CARNS1: variants seen among roughly 807,000 people sequenced by gnomAD.
CARNS1 encodes the protein carnosine synthase 1, also known as ATP-grasp domain containing 1.
Under a neutral mutation model 74.0 loss-of-function variants are expected in CARNS1, and 61 were observed. That is an observed-to-expected ratio of 0.82 (90% CI 0.67 to 1.02). The LOEUF (loss-of-function observed/expected upper bound fraction) is 1.02, where lower values mean the gene tolerates loss of function less well. CARNS1 is among the 50% of genes least tolerant of loss of function. The pLI is 0.00. For missense variants in CARNS1, 1,278 were observed against 1,308.4 expected (o/e 0.98, Z 0.36); for synonymous variants, 568 against 605.5 (o/e 0.94, Z 0.91).
rs1863807379 is a variant in CARNS1 at position 67,425,399 on chromosome 11, A to C, written c.*798A>C. On this transcript the variant is annotated 3_prime_UTR_variant, in exon 10 of 10. Coordinates refer to ENST00000687366, the MANE Select transcript of CARNS1 (RefSeq NM_001166222.2). ...TCACAAGTGGCCCTGAGACACGTGA[A>C]CACCTCCCTCCTATGCATCACAAAC... 7.3e-6 allele frequency: 2 copies of C among 274,336 alleles called. No individual in the cohort carries two copies. The highest frequency in any genetic ancestry group is 1.5e-5 in the Non-Finnish European group (2 of 136,320). 17.0% of individuals were successfully genotyped at this position (274,336 alleles called of 1,614,324 possible).
chr11:67,418,691 C>G (rs971386444), intron 4 of CARNS1, 65 bp from the exon 5 acceptor site: 2 of 1,484,216 alleles, frequency 1.3e-6, no homozygotes, highest in Non-Finnish European at 1.8e-6. Flanking sequence ...CACTCCGCTA[C>G]CCGGGGGCCC....
chr11:67,422,725 G>A (rs970189985), intron 9 of CARNS1, among the ~76,000 whole-genome samples: 5 of 152,096 alleles, frequency 3.3e-5, no homozygotes, highest in African/African-American at 4.8e-5. Flanking sequence ...CTCTCCCACC[G>A]TGCAGCACCC....
At chr11:67,416,319 T>C in intron 2 of CARNS1, 117 bp downstream of exon 2, 1 of 1,511,108 alleles carries the variant, frequency 6.6e-7, no homozygotes, top group East Asian at 2.5e-5. Flanking sequence ...TGCAGACAGC[T>C]TAGACCCACG....
intron 5 of CARNS1, 79 bp from the exon 6 acceptor site, chr11:67,419,408 C>A: frequency 6.5e-7 from 1 of 1,549,816 alleles, no homozygotes; most frequent in Non-Finnish European, 8.7e-7. Flanking sequence ...GTTTACTCAC[C>A]GGCTCCTGTG....
chr11:67,416,365 TG>T, intron 2 of CARNS1, 163 bp downstream of exon 2: 1 of 1,456,838 alleles, frequency 6.9e-7, no homozygotes, highest in Non-Finnish European at 9.1e-7. Flanking sequence ...GGCTGCATCC[TG>T]GGAGGTGGGC....
chr11:67,417,659 G>A lies in CARNS1; in HGVS notation c.256G>A (p.Gly86Ser), dbSNP rs528055975. The change falls in exon 3 of 10, where the codon GGC (glycine) becomes AGC (serine). Residue 86 changes from glycine to serine, a missense_variant. Coordinates refer to ENST00000687366, the MANE Select transcript of CARNS1 (RefSeq NM_001166222.2). ...TGGCCTTCCGGAGACTCAGGACCGC[G>A]GCCAGGTGCCCCGCACAGGTGCCCA... is the stretch of plus-strand genomic sequence containing the variant. ...QAGLPETQDR[G>S]QVPRTGCPGA... is the part of the protein sequence containing the mutation. 1,178 of 1,266,502 alleles carry A rather than the reference G, an allele frequency of 9.3e-4. 1 individual carries two copies. Among genetic ancestry groups the A allele is most frequent in the Non-Finnish European group, 1.1e-3 (1,112 of 1,004,262 alleles). 78.5% of individuals were successfully genotyped at this position (1,266,502 alleles called of 1,614,324 possible).
Position 67,423,624 on chromosome 11 carries a change from C to T in CARNS1, c.1876C>T (p.Gln626Ter). Reference sequence around the variant, plus strand: ...CCCAGCTGCCATGCGCCTGGCTAAGCAGAAGAGCCTCACCCAGCTGCACCT... The same window carrying T: ...CCCAGCTGCCATGCGCCTGGCTAAGTAGAAGAGCCTCACCCAGCTGCACCT... The part of the protein sequence containing the change: ...SSPAAMRLAK[Q>*]KSLTQLHLLH... The change falls in exon 10 of 10, where the codon CAG (glutamine) becomes TAG (stop). Residue 626 changes from glutamine to a stop codon, truncating the protein, a stop_gained. Transcript: ENST00000687366. LOFTEE classifies it high-confidence loss of function. The surrounding 1 kb of genome is among the most constrained non-coding windows in gnomAD (Gnocchi z 5.1). 1 of 1,609,528 alleles carries T rather than the reference C, an allele frequency of 6.2e-7. No homozygotes were observed. The highest frequency in any genetic ancestry group is 1.1e-5 in the South Asian group (1 of 90,472).
At position 67,418,861 on chromosome 11, in the gene CARNS1, C is replaced by T. The variant is rs1863613612; in HGVS notation, c.470C>T (p.Pro157Leu). The T allele has an allele frequency of 1.2e-6, 2 of 1,600,532 alleles. No individual in the cohort carries two copies. Among genetic ancestry groups the T allele is most frequent in the African/African-American group, 1.3e-5 (1 of 74,620 alleles). Residue 157 changes from proline (P) to leucine (L), a missense_variant, in exon 5 of 10, where the codon CCT becomes CTT. By Grantham distance (98) the Pro-to-Leu change is moderately conservative. This residue lies in a region of CARNS1 where 1,164 missense variants were observed against 1,156.5 expected (regional missense o/e 1.01). Coordinates refer to ENST00000687366, the MANE Select transcript of CARNS1 (RefSeq NM_001166222.2). ...LLVSKAVSFH[P>L]GGLTFLDDFV... ...GTCTCCAAGGCTGTGAGCTTCCACC[C>T]TGGGGGCCTGACATTCCTGGATGAC... is the stretch of plus-strand genomic sequence containing the variant.
intron 3 of CARNS1, 114 bp downstream of exon 3, chr11:67,417,791 T>C: frequency 1.3e-6 from 1 of 765,302 alleles, no homozygotes; most frequent in Non-Finnish European, 1.8e-6. Context: ...TCTGGTTCCA[T>C]CTGAAGGCAG....
rs1863573299 is a variant in CARNS1 at position 67,417,485 on chromosome 11, G to A, written c.82G>A (p.Gly28Arg). 4.8e-6 allele frequency: 7 copies of A among 1,449,732 alleles called. No individual in the cohort carries two copies. Among genetic ancestry groups the A allele is most frequent in the Non-Finnish European group, 6.3e-6 (7 of 1,103,898 alleles). The allele number at this position is 1,449,732 out of a possible 1,614,324, so 89.8% of individuals were successfully genotyped here. Residue 28 changes from glycine to arginine, a missense_variant, in exon 3 of 10, where the codon GGG (glycine) becomes AGG (arginine). Around this residue, in one of 3 missense-constraint regions of CARNS1, gnomAD observed 104 missense variants for 127.3 expected, o/e 0.82. Transcript: ENST00000687366. Reference protein sequence around the residue: ...KDLEEEGPWGGGSGLPPTGCF... With the variant: ...KDLEEEGPWGRGSGLPPTGCF... ...CCTGGAGGAAGAGGGCCCCTGGGGA[G>A]GGGGCTCTGGCCTGCCGCCCACAGG...
Position 67,423,497 on chromosome 11 carries a change from G to A in CARNS1, c.1749G>A (p.Val583=). The A allele has an allele frequency of 6.2e-7, 1 of 1,613,988 alleles. No individual in the cohort carries two copies. The highest frequency in any genetic ancestry group is 8.5e-7 in the Non-Finnish European group (1 of 1,179,874). The change falls in exon 10 of 10, where the codon GTG becomes GTA. Residue 583 remains valine, a synonymous_variant. Transcript: ENST00000687366. The surrounding 1 kb of genome is among the most constrained non-coding windows in gnomAD (Gnocchi z 5.1). ...EENARLLAEL[V]RARGLKLDGC... is the part of the protein sequence containing the mutation. ...ACGCACGGCTGCTGGCAGAGTTGGTGCGGGCTCGCGGCCTCAAGCTAGATG... is the reference window on the plus strand; with the variant it reads ...ACGCACGGCTGCTGGCAGAGTTGGTACGGGCTCGCGGCCTCAAGCTAGATG...
At chr11:67,419,335 T>C in intron 5 of CARNS1, 92 bp downstream of exon 5, 2 of 1,469,898 alleles carry the variant, frequency 1.4e-6, no homozygotes, top group Admixed American at 2.4e-5. Flanking sequence ...AAGGTGTCCC[T>C]ACCTCTTAGC....
chr11:67,419,853 G>C lies in CARNS1; in HGVS notation c.1113+15G>C, dbSNP rs751778616. ...TGCTGAGCAAGGTGAGCGTGGCCCA[G>C]GCCCAGGCTGTGACCCTGCCTGCCA... On this transcript the variant is annotated intron_variant, in intron 7 of 9. Transcript: ENST00000687366. The C allele has an allele frequency of 6.4e-7, 1 of 1,562,822 alleles. No homozygotes were observed. The highest frequency in any genetic ancestry group is 8.7e-7 in the Non-Finnish European group (1 of 1,154,256).
chr11:67,418,711 G>A (rs1453967059), intron 4 of CARNS1, 45 bp from the exon 5 acceptor site: 1 of 1,516,114 alleles, frequency 6.6e-7, no homozygotes, highest in South Asian at 1.3e-5. Context: ...CGGGCATAGG[G>A]CATCAAGCCT....
At chr11:67,416,706 A>G in intron 2 of CARNS1, 1 of 986,796 alleles carries the variant, frequency 1.0e-6, no homozygotes, top group Non-Finnish European at 1.2e-6. Flanking sequence ...GACTGCAAAG[A>G]ACAAGAATTC....
intron 7 of CARNS1, 105 bp from the exon 8 acceptor site, chr11:67,420,504 G>A (rs1863666452): frequency 4.7e-6 from 3 of 637,592 alleles, no homozygotes; most frequent in Non-Finnish European, 6.7e-6. Context: ...GGGGCTTCTT[G>A]AATGTCCAGT....
chr11:67,418,642 C>T, intron 4 of CARNS1, 114 bp from the exon 5 acceptor site: 1 of 1,437,908 alleles, frequency 7.0e-7, no homozygotes, highest in East Asian at 2.5e-5. Context: ...GGAGCAGCTG[C>T]CATGCTGAAT....
At position 67,425,330 on chromosome 11, in the gene CARNS1, A is replaced by C. The variant is rs76863601; in HGVS notation, c.*729A>C. The C allele has an allele frequency of 1.5e-5, 5 of 323,248 alleles. No individual in the cohort carries two copies. The highest frequency in any genetic ancestry group is 2.6e-5 in the South Asian group (1 of 38,956). 20.0% of individuals were successfully genotyped at this position (323,248 alleles called of 1,614,324 possible). On this transcript the variant is annotated 3_prime_UTR_variant, in exon 10 of 10. Transcript: ENST00000687366. ...GGTTTCTGTTTTGATCAAGTCTTAC[A>C]TGCCCATTCAGCTTCTAGGCCCCCC...
Position 67,419,848 on chromosome 11 carries a change from GC to G in CARNS1, c.1113+13del, listed in dbSNP as rs747899725. ...GCCACTGCTGAGCAAGGTGAGCGTG[GC>G]CCAGGCCCAGGCTGTGACCCTGCCT... On this transcript the variant is annotated intron_variant, in intron 7 of 9. Coordinates refer to ENST00000687366, the MANE Select transcript of CARNS1 (RefSeq NM_001166222.2). The G allele has an allele frequency of 4.5e-6, 7 of 1,564,160 alleles. No homozygotes were observed. Among genetic ancestry groups the G allele is most frequent in the South Asian group, 3.5e-5 (3 of 85,126 alleles).
Sources: allele counts gnomAD v4.1 joint callset (sites outside exome capture counted in the v4.1 genomes callset), GRCh38; gene constraint gnomAD v4.1.1; regional missense constraint gnomAD v4.1.1; non-coding constraint Gnocchi (gnomAD v3.1); transcripts MANE v1.5; gene names NCBI Gene and HGNC (gene_info 2026-07-23, HGNC 2026-07-21).